TTC28: variants seen among roughly 807,000 people sequenced by gnomAD.
The protein encoded by TTC28 is tetratricopeptide repeat protein 28.
Under a neutral mutation model 198.0 loss-of-function variants are expected in TTC28, and 61 were observed. That is an observed-to-expected ratio of 0.31 (90% CI 0.25 to 0.38). The LOEUF (loss-of-function observed/expected upper bound fraction) is 0.38. Among genes scored for constraint, TTC28 ranks in the 10% least tolerant of loss-of-function variants. TTC28 has a pLI of 1.00. For missense variants in TTC28, 2,678 were observed against 3,164.0 expected, an observed-to-expected ratio of 0.85 and a Z score of 3.69; for synonymous variants, 1,171 against 1,297.8, an observed-to-expected ratio of 0.90 and a Z score of 2.10.
At chr22:28,256,729 C>A (rs573805529) in intron 5 of TTC28, among the ~76,000 whole-genome samples, 1 of 152,094 alleles carries the variant, frequency 6.6e-6, no homozygotes, top group Non-Finnish European at 1.5e-5. Context: ...ACAATGACAA[C>A]AACAAAAAGC....
chr22:28,211,442 A>G (rs183968880), intron 5 of TTC28, among the ~76,000 whole-genome samples: 17 of 152,290 alleles, frequency 1.1e-4, no homozygotes, highest in Admixed American at 6.5e-4. Flanking sequence ...AGGAAGATCT[A>G]CCAAGCAAAT....
intron 2 of TTC28, among the ~76,000 whole-genome samples, chr22:28,371,440 G>T (rs1173905589): frequency 8.6e-6 from 1 of 116,266 alleles, no homozygotes; most frequent in African/African-American, 3.3e-5. Context: ...AGCCAGGGAG[G>T]CAGAGGTCGC....
At chr22:28,663,287 G>A (rs1357139397) in intron 1 of TTC28, among the ~76,000 whole-genome samples, 1 of 151,702 alleles carries the variant, frequency 6.6e-6, no homozygotes, top group Non-Finnish European at 1.5e-5. Context: ...AAAAAGAGAG[G>A]GAGGAGCCAA....
intron 2 of TTC28, among the ~76,000 whole-genome samples, chr22:28,475,039 A>G (rs1242105608): frequency 6.6e-6 from 1 of 151,560 alleles, no homozygotes; most frequent in Non-Finnish European, 1.5e-5. Flanking sequence ...AGTCCTAGCT[A>G]CTCGGGAGGC....
intron 2 of TTC28, among the ~76,000 whole-genome samples, chr22:28,504,032 A>AT (rs2048570665): frequency 6.6e-6 from 1 of 152,200 alleles, no homozygotes; most frequent in Non-Finnish European, 1.5e-5. Context: ...GTAAATCAAT[A>AT]ATTTGTTATA....
intron 8 of TTC28, among the ~76,000 whole-genome samples, chr22:28,102,821 T>C (rs886802317): frequency 2.0e-5 from 3 of 152,252 alleles, no homozygotes; most frequent in Non-Finnish European, 4.4e-5. Flanking sequence ...AGTCATGTTA[T>C]TGGATAGCAA....
At chr22:28,564,211 G>C (rs780654445) in intron 2 of TTC28, among the ~76,000 whole-genome samples, 7 of 152,124 alleles carry the variant, frequency 4.6e-5, no homozygotes, top group Non-Finnish European at 8.8e-5. Context: ...AAAGTTGGCT[G>C]CTGTATAATA....
intron 5 of TTC28, among the ~76,000 whole-genome samples, chr22:28,280,269 C>CT (rs2044558855): frequency 6.6e-6 from 1 of 151,736 alleles, no homozygotes; most frequent in Non-Finnish European, 1.5e-5. Flanking sequence ...CAACGCTATA[C>CT]TTTTTGCTTT....
At chr22:27,990,381 T>A (rs1601486938) in intron 20 of TTC28, among the ~76,000 whole-genome samples, 1 of 152,206 alleles carries the variant, frequency 6.6e-6, no homozygotes, top group East Asian at 1.9e-4. Flanking sequence ...TTGAGGTGGA[T>A]GGCGAAGTGG....
At chr22:28,052,589 C>T (rs1408105065) in intron 12 of TTC28, among the ~76,000 whole-genome samples, 3 of 152,072 alleles carry the variant, frequency 2.0e-5, no homozygotes, top group Non-Finnish European at 4.4e-5. Context: ...AAAGGAAATG[C>T]TACCACAGAA....
intron 6 of TTC28, among the ~76,000 whole-genome samples, chr22:28,161,784 TGGAGGAAG>T (rs1240599144): frequency 1.8e-5 from 2 of 108,428 alleles, no homozygotes; most frequent in African/African-American, 3.7e-5. Context: ...AAGAGAGGAA[TGGAGGAAG>T]GGAGGAAGGG....
chr22:28,391,174 C>A (rs934190591), intron 2 of TTC28, among the ~76,000 whole-genome samples: 2 of 152,154 alleles, frequency 1.3e-5, no homozygotes, highest in African/African-American at 4.8e-5. Flanking sequence ...TTGGCCCCCA[C>A]TCTCTTCTGG....
At chr22:28,210,661 G>C (rs1012079942) in intron 5 of TTC28, among the ~76,000 whole-genome samples, 2 of 152,178 alleles carry the variant, frequency 1.3e-5, no homozygotes, top group Non-Finnish European at 2.9e-5. Flanking sequence ...ATCTACGTCT[G>C]ATTGGTGTAC....
intron 2 of TTC28, among the ~76,000 whole-genome samples, chr22:28,429,475 G>A (rs778272562): frequency 1.3e-5 from 2 of 151,938 alleles, no homozygotes; most frequent in Non-Finnish European, 1.5e-5. Context: ...TGAACAAATA[G>A]GTGCTAACTG....
intron 1 of TTC28, among the ~76,000 whole-genome samples, chr22:28,630,723 TG>T (rs2051159768): frequency 6.6e-6 from 1 of 152,186 alleles, no homozygotes; most frequent in South Asian, 2.1e-4. Flanking sequence ...TTTTGTGCCC[TG>T]GAAGACAATA....
At chr22:28,101,043 T>A in intron 9 of TTC28, 128 bp downstream of exon 9, 1 of 635,996 alleles carries the variant, frequency 1.6e-6, no homozygotes, top group Middle Eastern at 2.6e-4. Flanking sequence ...AGGCGGGAAA[T>A]CATACACATT....
intron 2 of TTC28, among the ~76,000 whole-genome samples, chr22:28,603,064 A>C (rs1255103419): frequency 6.6e-6 from 1 of 152,066 alleles, no homozygotes; most frequent in Non-Finnish European, 1.5e-5. Flanking sequence ...TATTTTTAGT[A>C]GAGACGGGGT....
At chr22:28,325,716 G>C (rs1227100993) in intron 2 of TTC28, among the ~76,000 whole-genome samples, 1 of 152,066 alleles carries the variant, frequency 6.6e-6, no homozygotes, top group Non-Finnish European at 1.5e-5. Flanking sequence ...AGGATATTCA[G>C]ATAGCAAATA....
intron 5 of TTC28, among the ~76,000 whole-genome samples, chr22:28,231,885 G>A (rs533591654): frequency 2.0e-5 from 3 of 152,262 alleles, no homozygotes; most frequent in Middle Eastern, 3.4e-3. Context: ...TGTAAGGGAC[G>A]TTTTCTTTCT....
Sources: allele counts gnomAD v4.1 joint callset (sites outside exome capture counted in the v4.1 genomes callset), GRCh38; gene constraint gnomAD v4.1.1; transcripts MANE v1.5; gene names NCBI Gene and HGNC (gene_info 2026-07-23, HGNC 2026-07-21).